The following ZFYVE9 variants were observed in gnomAD, a reference collection of about 807,000 sequenced individuals.
ZFYVE9 encodes the protein zinc finger FYVE-type containing 9.
In ZFYVE9, 43 loss-of-function variants were observed where a neutral mutation model predicts 126.7. The ratio of observed to expected loss-of-function variants is 0.34; its 90% CI spans 0.27 to 0.44. The LOEUF (loss-of-function observed/expected upper bound fraction) is 0.44, where lower values mean the gene tolerates loss of function less well. ZFYVE9 is among the 20% of genes least tolerant of loss of function. The pLI is 1.00. For missense variants in ZFYVE9, 1,476 were observed against 1,697.0 expected (o/e 0.87, Z 2.29); for synonymous variants, 521 against 597.4 (o/e 0.87, Z 1.87).
chr1:52,161,991 A>T (rs571754267), intron 1 of ZFYVE9, among the ~76,000 whole-genome samples: 1 of 152,014 alleles, frequency 6.6e-6, no homozygotes, highest in Non-Finnish European at 1.5e-5. Flanking sequence ...TATACTCAAG[A>T]TGTTTACTCA....
At chr1:52,247,354 C>A (rs1294771438) in intron 4 of ZFYVE9, among the ~76,000 whole-genome samples, 1 of 152,094 alleles carries the variant, frequency 6.6e-6, no homozygotes, top group Non-Finnish European at 1.5e-5. Flanking sequence ...TCTGCTGATA[C>A]ATTCTAAATA....
At chr1:52,170,709 A>G (rs1644559681) in intron 1 of ZFYVE9, among the ~76,000 whole-genome samples, 2 of 152,048 alleles carry the variant, frequency 1.3e-5, no homozygotes, top group African/African-American at 4.8e-5. Context: ...AAAATGTTCA[A>G]TTTCCTTACT....
At chr1:52,213,655 A>T (rs1645047171) in intron 1 of ZFYVE9, among the ~76,000 whole-genome samples, 1 of 152,146 alleles carries the variant, frequency 6.6e-6, no homozygotes, top group Admixed American at 6.5e-5. Flanking sequence ...TGTCTCAAAA[A>T]AAAAAGAGGA....
At chr1:52,246,431 CA>C (rs1645384309) in intron 4 of ZFYVE9, among the ~76,000 whole-genome samples, 1 of 151,980 alleles carries the variant, frequency 6.6e-6, no homozygotes, top group African/African-American at 2.4e-5. Flanking sequence ...GAATAACCTT[CA>C]TAAAATCTGA....
At chr1:52,161,667 T>A (rs965005302) in intron 1 of ZFYVE9, among the ~76,000 whole-genome samples, 2 of 152,200 alleles carry the variant, frequency 1.3e-5, no homozygotes, top group African/African-American at 4.8e-5. Context: ...AATGACTTAA[T>A]TTTTAGGGCT....
Position 52,293,480 on chromosome 1 carries a change from C to T in ZFYVE9, c.3053C>T (p.Ser1018Phe), listed in dbSNP as rs1261301553. 12 of 1,613,318 alleles carry T rather than the reference C, an allele frequency of 7.4e-6. No individual in the cohort carries two copies. The highest frequency in any genetic ancestry group is 1.0e-5 in the Non-Finnish European group (12 of 1,179,874). ...AGNVVSNLGH[S>F]FFSQSFLGSK... ...AATGTGGTGAGCAACTTGGGACATT[C>T]CTTCTTCAGTCAAAGTTTCCTTGGC... Residue 1018 changes from serine to phenylalanine, a missense_variant, in exon 11 of 19, where the codon TCC becomes TTC. Ser to Phe is a radical substitution (Grantham distance 155). Coordinates refer to ENST00000287727, the MANE Select transcript of ZFYVE9 (RefSeq NM_004799.4).
chr1:52,341,260 A>T (rs1420380807), intron 17 of ZFYVE9, among the ~76,000 whole-genome samples: 1 of 152,212 alleles, frequency 6.6e-6, no homozygotes, highest in Non-Finnish European at 1.5e-5. Context: ...GAGACTAATT[A>T]ACTTGCTCAA....
chr1:52,304,315 T>C (rs1213577648), intron 13 of ZFYVE9, among the ~76,000 whole-genome samples: 1 of 152,120 alleles, frequency 6.6e-6, no homozygotes, highest in African/African-American at 2.4e-5. Flanking sequence ...CAGGCTGGAG[T>C]GCAATGGTGT....
intron 13 of ZFYVE9, among the ~76,000 whole-genome samples, chr1:52,309,227 A>G (rs1646114797): frequency 6.6e-6 from 1 of 152,214 alleles, no homozygotes; most frequent in South Asian, 2.1e-4. Flanking sequence ...TTGTAATCCC[A>G]GTACTTTGGG....
rs139634421 is a variant in ZFYVE9 at position 52,266,818 on chromosome 1, C to G, written c.2442C>G (p.His814Gln). ...TGGTACCTGTGGGAGTTTTAAAGCA[C>G]CCTGGAGCAGAAGGTAGGGGATCAT... ...TVMVPVGVLK[H>Q]PGAEVAQPRE... The change falls in exon 6 of 19, where the codon CAC becomes CAG. Residue 814 changes from histidine to glutamine, a missense_variant. By Grantham distance (24) the His-to-Gln change is conservative (BLOSUM62 0). This residue lies in a region of ZFYVE9 where 669 missense variants were observed against 902.4 expected (regional missense o/e 0.74). Coordinates refer to ENST00000287727, the MANE Select transcript of ZFYVE9 (RefSeq NM_004799.4). 361 of 1,599,370 alleles carry G rather than the reference C, an allele frequency of 2.3e-4. No homozygotes were observed. Among genetic ancestry groups the G allele is most frequent in the Non-Finnish European group, 2.8e-4 (334 of 1,174,418 alleles).
intron 12 of ZFYVE9, among the ~76,000 whole-genome samples, chr1:52,302,961 T>C (rs1303959833): frequency 6.6e-6 from 1 of 151,760 alleles, no homozygotes; most frequent in Non-Finnish European, 1.5e-5. Context: ...AATACAAAAA[T>C]TAGCCGAGCA....
At chr1:52,209,590 A>G (rs1645009251) in intron 1 of ZFYVE9, among the ~76,000 whole-genome samples, 1 of 152,112 alleles carries the variant, frequency 6.6e-6, no homozygotes, top group East Asian at 1.9e-4. Context: ...GAGCCACATA[A>G]TATGTGGTTG....
intron 4 of ZFYVE9, among the ~76,000 whole-genome samples, chr1:52,245,019 G>C (rs1248281284): frequency 6.6e-6 from 1 of 152,004 alleles, no homozygotes; most frequent in Admixed American, 6.6e-5. Context: ...TTAGCTGGGC[G>C]TGGTGGCAGG....
chr1:52,194,717 C>G (rs2124559955), intron 1 of ZFYVE9, among the ~76,000 whole-genome samples: 2 of 152,222 alleles, frequency 1.3e-5, no homozygotes, highest in Admixed American at 1.3e-4. Flanking sequence ...TTCTCTCAAA[C>G]TTTGCTTTTA....
intron 1 of ZFYVE9, among the ~76,000 whole-genome samples, chr1:52,187,426 A>G (rs1644774621): frequency 6.6e-6 from 1 of 152,222 alleles, no homozygotes; most frequent in Non-Finnish European, 1.5e-5. Context: ...CATGATGAAG[A>G]CACCAAAAGC....
intron 13 of ZFYVE9, 101 bp from the exon 14 acceptor site, chr1:52,332,667 G>A (rs951027432): frequency 3.4e-5 from 47 of 1,387,940 alleles, no homozygotes; most frequent in Admixed American, 2.4e-4. Flanking sequence ...ACTTTAATAC[G>A]TAATATTCTG....
intron 12 of ZFYVE9, among the ~76,000 whole-genome samples, chr1:52,298,615 G>A (rs574700549): frequency 7.9e-5 from 12 of 151,790 alleles, no homozygotes; most frequent in Non-Finnish European, 1.5e-4. Context: ...GGACTGTTTT[G>A]GCCATTTGAG....
chr1:52,160,900 A>G (rs1395443643), intron 1 of ZFYVE9, among the ~76,000 whole-genome samples: 1 of 152,224 alleles, frequency 6.6e-6, no homozygotes, highest in Non-Finnish European at 1.5e-5. Flanking sequence ...TGAACCATGC[A>G]GTTGATCAGT....
In ZFYVE9 at chr1:52,340,198, T is replaced by C; in HGVS notation, c.3906T>C (p.Tyr1302=). 1 of 1,613,836 alleles carries C rather than the reference T, an allele frequency of 6.2e-7. No individual in the cohort carries two copies. Among genetic ancestry groups the C allele is most frequent in the Non-Finnish European group, 8.5e-7 (1 of 1,179,770 alleles). Residue 1302 remains tyrosine, a synonymous_variant, in exon 17 of 19, where the codon TAT becomes TAC. Coordinates refer to ENST00000287727, the MANE Select transcript of ZFYVE9 (RefSeq NM_004799.4). ...TNVKIFHGSE[Y]KANGKVIRWT... ...TGAAGATATTCCATGGATCAGAATA[T>C]AAAGCAAATGGAAAAGTAATCAGAT...
Sources: gnomAD v4.1 joint callset for allele counts (sites outside exome capture counted in the v4.1 genomes callset) on GRCh38, gnomAD v4.1.1 for gene constraint, gnomAD v4.1.1 regional missense constraint, MANE v1.5 for transcripts, NCBI Gene and HGNC (gene_info 2026-07-23, HGNC 2026-07-21) for gene names.